TMEM87A: variants seen among roughly 807,000 people sequenced by gnomAD.
TMEM87A encodes the protein transmembrane protein 87A, also known as Golgi-pH regulating cation channel.
In TMEM87A, 50 loss-of-function variants were observed where a neutral mutation model predicts 90.0. The observed-to-expected ratio is 0.56, with a 90% CI of 0.44 to 0.70. The LOEUF (loss-of-function observed/expected upper bound fraction) is 0.70, where lower values mean the gene tolerates loss of function less well. Among genes scored for constraint, TMEM87A ranks in the 30% least tolerant of loss-of-function variants. TMEM87A has a pLI of 0.00. For missense variants in TMEM87A, 577 were observed against 660.5 expected (o/e 0.87, Z 1.39); for synonymous variants, 226 against 226.7 (o/e 1.00, Z 0.03).
intron 3 of TMEM87A, among the ~76,000 whole-genome samples, chr15:42,266,104 A>C (rs1015148298): frequency 2.0e-5 from 3 of 152,216 alleles, no homozygotes; most frequent in African/African-American, 7.2e-5. Flanking sequence ...CCTGTAGTAC[A>C]GTTTGAAGTC....
At chr15:42,262,951 G>A (rs2051325202) in intron 4 of TMEM87A, among the ~76,000 whole-genome samples, 1 of 152,148 alleles carries the variant, frequency 6.6e-6, no homozygotes, top group Non-Finnish European at 1.5e-5. Flanking sequence ...TTACATGATT[G>A]CATATGTGTA....
At chr15:42,219,677 T>C in intron 16 of TMEM87A, 35 bp from the exon 17 acceptor site, 2 of 1,445,410 alleles carry the variant, frequency 1.4e-6, no homozygotes, top group East Asian at 2.3e-5. Context: ...TGTTTAACTT[T>C]GTGAACAGAC....
chr15:42,273,473 C>G (rs568200203), upstream of TMEM87A: 5 of 1,591,458 alleles, frequency 3.1e-6, no homozygotes, highest in Non-Finnish European at 4.3e-6. Context: ...CGGCTCTGCT[C>G]TAAGGGCGGG....
intron 7 of TMEM87A, among the ~76,000 whole-genome samples, chr15:42,243,321 A>T (rs890222708): frequency 1.3e-4 from 19 of 142,056 alleles, no homozygotes; most frequent in East Asian, 4.2e-4. Flanking sequence ...AATAAAAAAA[A>T]AGAAAGCAGG....
chr15:42,239,914 T>C (rs1430755886), intron 7 of TMEM87A, among the ~76,000 whole-genome samples, 183 bp from the exon 8 acceptor site: 3 of 152,334 alleles, frequency 2.0e-5, no homozygotes, highest in South Asian at 4.1e-4. Context: ...AGTGTCCTCA[T>C]AGTTCATGCT....
intron 6 of TMEM87A, among the ~76,000 whole-genome samples, chr15:42,253,262 G>A (rs1232333558): frequency 1.3e-5 from 2 of 152,174 alleles, no homozygotes; most frequent in Non-Finnish European, 2.9e-5. Context: ...CTGATCGTAT[G>A]TCCAGTCTTG....
chr15:42,251,874 C>T (rs2051093251), intron 6 of TMEM87A, among the ~76,000 whole-genome samples: 1 of 152,256 alleles, frequency 6.6e-6, no homozygotes, highest in African/African-American at 2.4e-5. Flanking sequence ...CAGAGGCAGG[C>T]AGGCCTCACT....
chr15:42,216,835 C>T (rs2050391033), intron 19 of TMEM87A, among the ~76,000 whole-genome samples: 1 of 151,586 alleles, frequency 6.6e-6, no homozygotes, highest in Non-Finnish European at 1.5e-5. Flanking sequence ...AGACAAAATG[C>T]TTCCAAAAGG....
intron 12 of TMEM87A, among the ~76,000 whole-genome samples, chr15:42,229,423 CA>C (rs907683298): frequency 4.9e-4 from 71 of 143,530 alleles, no homozygotes; most frequent in South Asian, 4.4e-4. Flanking sequence ...TCTAGAGAAA[CA>C]AAAAAAAAAG....
At chr15:42,262,585 G>T (rs151078125) in intron 4 of TMEM87A, among the ~76,000 whole-genome samples, 1 of 151,744 alleles carries the variant, frequency 6.6e-6, no homozygotes, top group Non-Finnish European at 1.5e-5. Flanking sequence ...CACCATGCCC[G>T]GCTAATTTTT....
Position 42,243,985 on chromosome 15 carries a change from A to G in TMEM87A, c.622+65T>C, listed in dbSNP as rs115507761. 3.2e-3 allele frequency: 3,075 copies of G among 955,310 alleles called. 69 individuals are homozygous for G. The African/African-American group carries it at 0.048, about 15-fold the overall frequency. The allele number at this position is 955,310 out of a possible 1,614,324, so 59.2% of individuals were successfully genotyped here. A position where few individuals can be genotyped will look rare whatever the true frequency, so the allele number is the denominator to read the frequency against. ...CCTGTAATACCTAATAAAAAAGCATATGTAAAGTACATGAATGACATAACC... is the reference window on the plus strand; with the variant it reads ...CCTGTAATACCTAATAAAAAAGCATGTGTAAAGTACATGAATGACATAACC... On this transcript the variant is annotated intron_variant, in intron 7 of 19. Transcript: ENST00000389834.
chr15:42,216,934 A>G (rs929280632), intron 19 of TMEM87A, among the ~76,000 whole-genome samples: 5 of 151,808 alleles, frequency 3.3e-5, no homozygotes, highest in Non-Finnish European at 5.9e-5. Context: ...AGTTTCCATG[A>G]ACTCAGGCCA....
intron 4 of TMEM87A, chr15:42,262,244 C>CT (rs2051310420): frequency 6.6e-6 from 1 of 152,170 alleles, no homozygotes; most frequent in African/African-American, 2.4e-5. Context: ...TCCTCCTAGT[C>CT]TAAGGGATAA....
rs1452511210 is a variant in TMEM87A at position 42,237,999 on chromosome 15, ATATATATG to A, written c.685-392_685-385del. On this transcript the variant is annotated intron_variant, in intron 8 of 19. Transcript: ENST00000389834. The stretch of plus-strand genomic sequence containing the variant: ...AGAGCGAATGCTCTCATATGTATAT[ATATATATG>A]TGTGTGTGTGTGTGTGTGTGTGTGT... Among the ~76,000 whole-genome samples the A allele has an allele frequency of 2.1e-3, 12 of 5,768 alleles. No individual in the cohort carries two copies. In the Non-Finnish European group the frequency reaches 0.054, roughly 26 times the overall value. The allele number at this position is 5,768 out of a possible 152,430, so 3.8% of individuals were successfully genotyped here. A position where few individuals can be genotyped will look rare whatever the true frequency, so the allele number is the denominator to read the frequency against.
rs138042596 is a variant in TMEM87A, at chr15:42,254,473, T to C, written c.504+6485A>G. 6.3e-3 allele frequency among the ~76,000 whole-genome samples: 966 copies of C among 152,316 alleles called. 13 individuals are homozygous for C. Among genetic ancestry groups the C allele is most frequent in the African/African-American group, 0.022 (925 of 41,580 alleles). On this transcript the variant is annotated intron_variant, in intron 6 of 19. Transcript: ENST00000389834. ...AGCAATCAAGATGTCCTTCAATAGA[T>C]GAATGGATAAACTGTGATATATCCA...
intron 6 of TMEM87A, chr15:42,258,110 C>T (rs1336517351): frequency 6.1e-6 from 6 of 977,474 alleles, no homozygotes; most frequent in Non-Finnish European, 7.3e-6. Context: ...AGTTCAAGAA[C>T]AGAGAATTGA....
At position 42,210,674 on chromosome 15, in the gene TMEM87A, T is replaced by C. The variant is rs1456480604; in HGVS notation, c.*1034A>G. The C allele has an allele frequency of 2.0e-5, 3 of 152,602 alleles. No individual in the cohort carries two copies. The highest frequency in any genetic ancestry group is 4.4e-5 in the Non-Finnish European group (3 of 68,036). The allele number at this position is 152,602 out of a possible 1,614,324, so 9.5% of individuals were successfully genotyped here. On this transcript the variant is annotated 3_prime_UTR_variant, in exon 20 of 20. Coordinates refer to ENST00000389834, the MANE Select transcript of TMEM87A (RefSeq NM_015497.5). ...CCCATCACCTTGTGATGTCCCTTAT[T>C]AACAGTCTCTAAACCAATACCAGAT...
chr15:42,229,366 A>G (rs2050648898), intron 12 of TMEM87A, among the ~76,000 whole-genome samples: 2 of 152,034 alleles, frequency 1.3e-5, no homozygotes, highest in Non-Finnish European at 1.5e-5. Flanking sequence ...GTAAGAATGT[A>G]CAAAATCACA....
chr15:42,265,258 GT>G (rs2051380138), intron 3 of TMEM87A, among the ~76,000 whole-genome samples: 1 of 152,108 alleles, frequency 6.6e-6, no homozygotes, highest in Non-Finnish European at 1.5e-5. Context: ...TGGTAATTCT[GT>G]TTTTAGCTCT....
Sources: allele counts gnomAD v4.1 joint callset (sites outside exome capture counted in the v4.1 genomes callset), GRCh38; gene constraint gnomAD v4.1.1; transcripts MANE v1.5; gene names NCBI Gene and HGNC (gene_info 2026-07-23, HGNC 2026-07-21).